The following GLG1 variants were observed in gnomAD, a reference collection of about 807,000 sequenced individuals.
GLG1 encodes the protein golgi glycoprotein 1.
GLG1 carries 38 observed loss-of-function variants against 160.5 expected under a neutral mutation model. The observed-to-expected ratio is 0.24, with a 90% CI of 0.18 to 0.31. The LOEUF (loss-of-function observed/expected upper bound fraction) is 0.31, where lower values mean the gene tolerates loss of function less well. Ranked by LOEUF, GLG1 falls within the 10% of genes least tolerant of loss-of-function variation. GLG1 has a pLI of 1.00. For synonymous variants in GLG1, 644 were observed against 543.4 expected (o/e 1.19, Z -2.57); for missense variants, 1,373 against 1,505.2 (o/e 0.91, Z 1.45).
At chr16:74,556,693 A>T (rs931834742) in intron 1 of GLG1, among the ~76,000 whole-genome samples, 4 of 149,736 alleles carry the variant, frequency 2.7e-5, no homozygotes, top group African/African-American at 4.9e-5. Context: ...TTATTTTTTT[A>T]TTATTTTATA....
intron 1 of GLG1, among the ~76,000 whole-genome samples, chr16:74,591,470 T>C (rs1033498325): frequency 6.7e-6 from 1 of 150,064 alleles, no homozygotes; most frequent in Non-Finnish European, 1.5e-5. Context: ...CTACTAAAAA[T>C]ACAAAAAAAT....
At chr16:74,599,756 C>G (rs949089556) in intron 1 of GLG1, among the ~76,000 whole-genome samples, 10 of 151,710 alleles carry the variant, frequency 6.6e-5, no homozygotes, top group African/African-American at 2.4e-4. Context: ...CCCAGCTACT[C>G]GGGAGGCTGA....
At chr16:74,500,717 A>C (rs114548152) in intron 4 of GLG1, among the ~76,000 whole-genome samples, 1 of 152,312 alleles carries the variant, frequency 6.6e-6, no homozygotes, top group African/African-American at 2.4e-5. Flanking sequence ...AAAGCATAAA[A>C]GTACTAATAC....
Position 74,469,005 on chromosome 16 carries a change from T to C in GLG1, c.2377A>G (p.Lys793Glu), listed in dbSNP as rs2015101812. The change falls in exon 17 of 26, where the codon AAG becomes GAG. Residue 793 changes from lysine to glutamate, a missense_variant. This residue lies in a region of GLG1 where 491 missense variants were observed against 632.1 expected (regional missense o/e 0.78). Coordinates refer to ENST00000422840, the MANE Select transcript of GLG1 (RefSeq NM_001145667.2). ...CACTTCAGGGACACCCTGTGCTCCT[T>C]GGCTTCCTGCAGAGTGTCATTGCGC... is the stretch of plus-strand genomic sequence containing the variant. ...TVRNDTLQEA[K>E]EHRVSLKCRR... 1 of 1,614,118 alleles carries C rather than the reference T, an allele frequency of 6.2e-7. No individual in the cohort carries two copies. Among genetic ancestry groups the C allele is most frequent in the Non-Finnish European group, 8.5e-7 (1 of 1,179,946 alleles).
chr16:74,484,322 G>GA (rs1555508879), intron 9 of GLG1, among the ~76,000 whole-genome samples: 3 of 151,620 alleles, frequency 2.0e-5, no homozygotes, highest in Admixed American at 6.6e-5. Context: ...ACTTGCAACT[G>GA]TTTTTTTTTG....
chr16:74,509,292 T>A (rs1270319804), intron 2 of GLG1, among the ~76,000 whole-genome samples: 1 of 150,530 alleles, frequency 6.6e-6, no homozygotes, highest in East Asian at 1.9e-4. Flanking sequence ...TAAATGACAA[T>A]TTTTTTAGAG....
chr16:74,548,275 G>A (rs752502451), intron 1 of GLG1, among the ~76,000 whole-genome samples: 6 of 152,170 alleles, frequency 3.9e-5, no homozygotes, highest in Non-Finnish European at 7.3e-5. Flanking sequence ...AGCAGGCAAC[G>A]GCATAAATGA....
intron 1 of GLG1, among the ~76,000 whole-genome samples, chr16:74,561,551 G>C (rs560430803): frequency 1.3e-5 from 2 of 152,020 alleles, no homozygotes; most frequent in Non-Finnish European, 2.9e-5. Flanking sequence ...AACCCAAGCA[G>C]GACAAAAATT....
At chr16:74,578,536 G>A (rs1399372297) in intron 1 of GLG1, among the ~76,000 whole-genome samples, 1 of 152,246 alleles carries the variant, frequency 6.6e-6, no homozygotes, top group East Asian at 1.9e-4. Context: ...TAAGAGTAAA[G>A]AGCTAAAACA....
intron 8 of GLG1, among the ~76,000 whole-genome samples, chr16:74,488,294 C>A (rs1034500610): frequency 3.3e-5 from 5 of 152,214 alleles, no homozygotes; most frequent in South Asian, 2.1e-4. Flanking sequence ...GTAATCCCAG[C>A]AGTTTGGGAG....
intron 1 of GLG1, among the ~76,000 whole-genome samples, chr16:74,564,290 T>C (rs2018590806): frequency 6.6e-6 from 1 of 152,220 alleles, no homozygotes; most frequent in African/African-American, 2.4e-5. Flanking sequence ...AGGGGATTAA[T>C]GAACTGGCTG....
At chr16:74,498,615 A>G (rs2143428496) in intron 4 of GLG1, among the ~76,000 whole-genome samples, 1 of 149,950 alleles carries the variant, frequency 6.7e-6, no homozygotes, top group Non-Finnish European at 1.5e-5. Context: ...CTGTAATCCC[A>G]GCACTTTGGG....
In GLG1 at chr16:74,508,908, CT is replaced by C; in HGVS notation, c.488del (p.Lys163SerfsTer2). On this transcript the variant is annotated frameshift_variant, in exon 3 of 26. Transcript: ENST00000422840. LOFTEE classifies it high-confidence loss of function. ...SDCNHLLWNY[K>X]LNLTTDPKFE... is the part of the protein sequence containing the mutation. The stretch of plus-strand genomic sequence containing the variant: ...ATTTGGGATCTGTAGTTAGGTTCAG[CT>C]TATAATTCCACAACAACTAGATAGG... 6.9e-7 allele frequency: 1 copy of C among 1,448,994 alleles called. No homozygotes were observed. Among genetic ancestry groups the C allele is most frequent in the Non-Finnish European group, 9.7e-7 (1 of 1,032,576 alleles). 89.8% of individuals were successfully genotyped at this position (1,448,994 alleles called of 1,614,324 possible).
intron 1 of GLG1, among the ~76,000 whole-genome samples, chr16:74,582,351 A>C: frequency 6.6e-6 from 1 of 151,956 alleles, no homozygotes; most frequent in East Asian, 2.0e-4. Context: ...TTTTTAGTAG[A>C]GATGGGGTTT....
chr16:74,605,125 T>C (rs1044988113), intron 1 of GLG1, among the ~76,000 whole-genome samples: 17 of 152,190 alleles, frequency 1.1e-4, no homozygotes, highest in African/African-American at 4.1e-4. Context: ...TCCTTCATTA[T>C]TTCTGTATGT....
chr16:74,515,569 G>A (rs926217796), intron 2 of GLG1, among the ~76,000 whole-genome samples: 1 of 151,830 alleles, frequency 6.6e-6, no homozygotes, highest in Admixed American at 6.6e-5. Flanking sequence ...CGAAATGAAG[G>A]CAGGGATAGC....
chr16:74,575,455 G>A (rs1355612156), intron 1 of GLG1, among the ~76,000 whole-genome samples: 1 of 152,126 alleles, frequency 6.6e-6, no homozygotes. Context: ...GAATCAATAA[G>A]ACATCACAAA....
At position 74,448,760 on chromosome 16, in the gene GLG1, A is replaced by AAT. The variant is rs1350564318; in HGVS notation, c.*4406_*4407insAT. 6.7e-6 allele frequency: 1 copy of AAT among 149,648 alleles called. No individual in the cohort carries two copies. The highest frequency in any genetic ancestry group is 1.5e-5 in the Non-Finnish European group (1 of 67,376). 9.3% of individuals were successfully genotyped at this position (149,648 alleles called of 1,614,324 possible). A position where few individuals can be genotyped will look rare whatever the true frequency, so the allele number is the denominator to read the frequency against. On this transcript the variant is annotated 3_prime_UTR_variant, in exon 26 of 26. Coordinates refer to ENST00000422840, the MANE Select transcript of GLG1 (RefSeq NM_001145667.2). ...AGTGAAACTGTGTCTCAAAAGAAAA[A>AAT]AAAAAAAAAGGCCAGGCCGGGCGTG...
chr16:74,586,878 T>G (rs1250385081), intron 1 of GLG1, among the ~76,000 whole-genome samples: 2 of 151,934 alleles, frequency 1.3e-5, no homozygotes, highest in Non-Finnish European at 2.9e-5. Context: ...GTATTATCAG[T>G]AGAGATGGGG....
Sources: gnomAD v4.1 joint callset for allele counts (sites outside exome capture counted in the v4.1 genomes callset) on GRCh38, gnomAD v4.1.1 for gene constraint, gnomAD v4.1.1 regional missense constraint, MANE v1.5 for transcripts, NCBI Gene and HGNC (gene_info 2026-07-23, HGNC 2026-07-21) for gene names.